The following PFKFB4 variants were observed in gnomAD, a reference collection of about 807,000 sequenced individuals.
PFKFB4 encodes the protein 6-phosphofructo-2-kinase/fructose-2,6-bisphosphatase 4.
A neutral mutation model predicts 62.8 loss-of-function variants in PFKFB4; 42 were observed. The ratio of observed to expected loss-of-function variants is 0.67; its 90% CI spans 0.52 to 0.86. The LOEUF is 0.86. Ranked by LOEUF, PFKFB4 falls within the 40% of genes least tolerant of loss-of-function variation. The pLI is 0.00. For synonymous variants in PFKFB4, 204 were observed against 240.7 expected, an observed-to-expected ratio of 0.85 and a Z score of 1.41; for missense variants, 475 against 627.2, an observed-to-expected ratio of 0.76 and a Z score of 2.59.
chr3:48,541,185 C>T (rs1314562401), intron 4 of PFKFB4, among the ~76,000 whole-genome samples: 1 of 151,274 alleles, frequency 6.6e-6, no homozygotes, highest in Admixed American at 6.6e-5. Flanking sequence ...CCCAGGTTCA[C>T]GCCATTCTCC....
rs1575349879 is a variant in PFKFB4 at position 48,521,590 on chromosome 3, A to G, written c.1350+396T>C. Among the ~76,000 whole-genome samples the G allele has an allele frequency of 2.0e-5, 3 of 152,100 alleles. No homozygotes were observed. The highest frequency in any genetic ancestry group is 4.8e-5 in the African/African-American group (2 of 41,416). ...GGGATGGGGAGTGGGAAGAGTGCCCACCTGCCCTCAGAAGGCCAGAAGCCT... is the reference window on the plus strand; with the variant it reads ...GGGATGGGGAGTGGGAAGAGTGCCCGCCTGCCCTCAGAAGGCCAGAAGCCT... On this transcript the variant is annotated intron_variant, in intron 13 of 13. Coordinates refer to ENST00000232375, the MANE Select transcript of PFKFB4 (RefSeq NM_004567.4). This position sits in a 1 kb window ranked among gnomAD's most constrained non-coding sequence, Gnocchi z 5.3.
Position 48,519,682 on chromosome 3 carries a change from G to A in PFKFB4, c.*65C>T. On this transcript the variant is annotated 3_prime_UTR_variant, in exon 14 of 14. Coordinates refer to ENST00000232375, the MANE Select transcript of PFKFB4 (RefSeq NM_004567.4). The stretch of plus-strand genomic sequence containing the variant: ...CATGGTGACTATCACACACACTGGA[G>A]GGCCTGGAATGACCCCCTCTGCAGA... 2.5e-6 allele frequency: 3 copies of A among 1,178,402 alleles called. No homozygotes were observed. The highest frequency in any genetic ancestry group is 3.8e-6 in the Non-Finnish European group (3 of 786,350). The allele number at this position is 1,178,402 out of a possible 1,614,324, so 73.0% of individuals were successfully genotyped here.
In PFKFB4 at chr3:48,556,638, T is replaced by C; in HGVS notation, c.97+43A>G. On this transcript the variant is annotated intron_variant, in intron 1 of 13. Coordinates refer to ENST00000232375, the MANE Select transcript of PFKFB4 (RefSeq NM_004567.4). This position sits in a 1 kb window ranked among gnomAD's most constrained non-coding sequence, Gnocchi z 5.7. Reference sequence around the variant, plus strand: ...CCGCCCAGGCCGCCCTACCCACCCATCCCGGTGCACCTCCCACCTCCTCCC... The same window carrying C: ...CCGCCCAGGCCGCCCTACCCACCCACCCCGGTGCACCTCCCACCTCCTCCC... The C allele has an allele frequency of 4.4e-6, 3 of 678,776 alleles. No homozygotes were observed. Among genetic ancestry groups the C allele is most frequent in the Non-Finnish European group, 5.0e-6 (2 of 396,786 alleles). The allele number at this position is 678,776 out of a possible 1,614,324, so 42.0% of individuals were successfully genotyped here. A position where few individuals can be genotyped will look rare whatever the true frequency, so the allele number is the denominator to read the frequency against.
chr3:48,550,883 T>C (rs2043121776), intron 1 of PFKFB4, among the ~76,000 whole-genome samples: 1 of 152,182 alleles, frequency 6.6e-6, no homozygotes. Flanking sequence ...AGCCCTGTGG[T>C]ATCTGAGCCC....
chr3:48,528,814 G>A (rs2107487317), intron 9 of PFKFB4, among the ~76,000 whole-genome samples: 1 of 152,308 alleles, frequency 6.6e-6, no homozygotes, highest in East Asian at 1.9e-4. Flanking sequence ...ATTTGGCAAT[G>A]TAAAGGAATG....
intron 9 of PFKFB4, among the ~76,000 whole-genome samples, chr3:48,532,073 G>A (rs1178378608): frequency 1.3e-5 from 2 of 152,200 alleles, no homozygotes; most frequent in Non-Finnish European, 2.9e-5. Context: ...CTGGGAGGCC[G>A]AGGCGGGTGG....
intron 1 of PFKFB4, among the ~76,000 whole-genome samples, chr3:48,553,331 G>A (rs541346437): frequency 2.6e-5 from 4 of 152,048 alleles, no homozygotes; most frequent in Non-Finnish European, 4.4e-5. Context: ...AAAATTAGCC[G>A]GGTGTGGTGG....
chr3:48,525,512 G>T, intron 10 of PFKFB4, 53 bp downstream of exon 10: 1 of 931,064 alleles, frequency 1.1e-6, no homozygotes, highest in Non-Finnish European at 1.6e-6. Context: ...GCCACAGGTG[G>T]TACTCCCAGG....
intron 5 of PFKFB4, 69 bp from the exon 6 acceptor site, chr3:48,539,379 T>C: frequency 7.3e-7 from 1 of 1,365,726 alleles, no homozygotes; most frequent in East Asian, 2.3e-5. Flanking sequence ...GCCTCCCGCC[T>C]TGCTCCTCGG....
At chr3:48,561,053 C>T, upstream of PFKFB4, 1 of 1,282,110 alleles carries the variant, frequency 7.8e-7, no homozygotes, top group Non-Finnish European at 1.0e-6. This position sits in a 1 kb window ranked among gnomAD's most constrained non-coding sequence, Gnocchi z 5.2. Context: ...CGTGCCTACC[C>T]CGCCTGCTGC....
upstream of PFKFB4, chr3:48,557,056 A>G: frequency 9.7e-7 from 1 of 1,032,648 alleles, no homozygotes; most frequent in South Asian, 1.9e-5. Context: ...TCAACTCCGG[A>G]TTGTACTGGT....
chr3:48,551,043 T>C (rs765816535), intron 1 of PFKFB4, among the ~76,000 whole-genome samples: 25 of 152,094 alleles, frequency 1.6e-4, no homozygotes, highest in Non-Finnish European at 2.8e-4. Context: ...GTCCCTCTGA[T>C]AGCCCACCCA....
rs774455033 is a variant in PFKFB4 at position 48,546,385 on chromosome 3, GTCT to G, written c.312-2742_312-2740del. ...GTACACATGGTGTGTGTGTATACAT[GTCT>G]TCATGTGCCATGTGACTGTGTGAGA... is the stretch of plus-strand genomic sequence containing the variant. On this transcript the variant is annotated intron_variant, in intron 3 of 13. Coordinates refer to ENST00000232375, the MANE Select transcript of PFKFB4 (RefSeq NM_004567.4). Among the ~76,000 whole-genome samples, 5 of 121,668 alleles carry G rather than the reference GTCT, an allele frequency of 4.1e-5. No individual in the cohort carries two copies. In the East Asian group the frequency reaches 7.3e-4, roughly 18 times the overall value. 79.8% of individuals were successfully genotyped at this position (121,668 alleles called of 152,430 possible).
chr3:48,520,539 A>G (rs2042065780), intron 13 of PFKFB4, among the ~76,000 whole-genome samples: 1 of 152,162 alleles, frequency 6.6e-6, no homozygotes, highest in Non-Finnish European at 1.5e-5. Flanking sequence ...CCCATGCAAC[A>G]TGACATGCCC....
chr3:48,540,776 AT>A (rs34769393), intron 4 of PFKFB4, among the ~76,000 whole-genome samples: 19,877 of 136,412 alleles, frequency 0.15, 2,802 homozygotes, highest in African/African-American at 0.39. Context: ...TACCTGGCTA[AT>A]TTTTTTTTTT....
chr3:48,548,877 C>T (rs1696460752), intron 3 of PFKFB4, among the ~76,000 whole-genome samples: 1 of 152,200 alleles, frequency 6.6e-6, no homozygotes, highest in Admixed American at 6.5e-5. Context: ...AGGCAGTCTC[C>T]AGTCTGAAGG....
Position 48,554,411 on chromosome 3 carries a change from C to G in PFKFB4, c.97+2270G>C, listed in dbSNP as rs533817939. ...CCTGAGGCCCAAATCCCCAAACAAC[C>G]TGCAGGTCTCATCTTTGGCCTCTCA... On this transcript the variant is annotated intron_variant, in intron 1 of 13. Coordinates refer to ENST00000232375, the MANE Select transcript of PFKFB4 (RefSeq NM_004567.4). Among the ~76,000 whole-genome samples the G allele has an allele frequency of 5.3e-5, 8 of 152,342 alleles. No homozygotes were observed. In the South Asian group the frequency reaches 1.7e-3, roughly 32 times the overall value.
At chr3:48,561,211 C>T, upstream of PFKFB4, 1 of 596,312 alleles carries the variant, frequency 1.7e-6, no homozygotes, top group South Asian at 1.9e-5. This position sits in a 1 kb window ranked among gnomAD's most constrained non-coding sequence, Gnocchi z 5.2. Flanking sequence ...ACTCCTGCGG[C>T]TCCTGCAGCC....
rs554162230 is a variant in PFKFB4 at position 48,541,018 on chromosome 3, G to A, written c.379-1247C>T. 2.0e-5 allele frequency among the ~76,000 whole-genome samples: 3 copies of A among 151,472 alleles called. No individual in the cohort carries two copies. In the South Asian group the frequency reaches 6.3e-4, roughly 32 times the overall value. On this transcript the variant is annotated intron_variant, in intron 4 of 13. Coordinates refer to ENST00000232375, the MANE Select transcript of PFKFB4 (RefSeq NM_004567.4). Reference sequence around the variant, plus strand: ...TCTCGAACTCCTGACCTCATGATCTGCCAGCCTTGGCCTCCCAAAGTGCTG... The same window carrying A: ...TCTCGAACTCCTGACCTCATGATCTACCAGCCTTGGCCTCCCAAAGTGCTG...
Sources: allele counts gnomAD v4.1 joint callset (sites outside exome capture counted in the v4.1 genomes callset), GRCh38; gene constraint gnomAD v4.1.1; non-coding constraint Gnocchi (gnomAD v3.1); transcripts MANE v1.5; gene names NCBI Gene and HGNC (gene_info 2026-07-23, HGNC 2026-07-21).